PLTP: variants seen among roughly 807,000 people sequenced by gnomAD.
The protein encoded by PLTP is BPI fold containing family E.
Under a neutral mutation model 54.1 loss-of-function variants are expected in PLTP, and 43 were observed. The observed-to-expected ratio is 0.79, with a 90% CI of 0.62 to 1.02. PLTP has a LOEUF of 1.02. Among genes scored for constraint, PLTP ranks in the 50% least tolerant of loss-of-function variants. PLTP has a pLI of 0.00. For synonymous variants in PLTP, 263 were observed against 264.6 expected (o/e 0.99, Z 0.06); for missense variants, 604 against 645.9 (o/e 0.94, Z 0.70).
chr20:45,908,607 G>A (rs1187895587), intron 5 of PLTP, among the ~76,000 whole-genome samples: 1 of 152,034 alleles, frequency 6.6e-6, no homozygotes, highest in Non-Finnish European at 1.5e-5. Context: ...TGAGACCAGC[G>A]TGGCCAATAT....
chr20:45,911,016 C>A, intron 3 of PLTP, 136 bp downstream of exon 3: 1 of 1,587,424 alleles, frequency 6.3e-7, no homozygotes, highest in African/African-American at 1.3e-5. Flanking sequence ...CATCCGGTTT[C>A]TTAAGTCTTG....
At position 45,911,155 on chromosome 20, in the gene PLTP, G is replaced by A; in HGVS notation, c.197C>T (p.Ser66Phe). ...GKEGHFYYNI[S>F]EVKVTELQLT... ...CGAGGCCCCGCCCCCCACTTACTCA[G>A]AGATGTTGTAGTAGAAGTGGCCTTC... The change falls in exon 3 of 16, where the codon TCT becomes TTT. Residue 66 changes from serine to phenylalanine, a missense_variant. By Grantham distance (155) the Ser-to-Phe change is radical. Coordinates refer to ENST00000372431, the MANE Select transcript of PLTP (RefSeq NM_006227.4). 6.2e-7 allele frequency: 1 copy of A among 1,613,388 alleles called. No individual in the cohort carries two copies. The highest frequency in any genetic ancestry group is 8.5e-7 in the Non-Finnish European group (1 of 1,179,368).
At chr20:45,905,158 G>T in intron 8 of PLTP, 40 bp from the exon 9 acceptor site, 5 of 1,585,678 alleles carry the variant, frequency 3.2e-6, no homozygotes, top group Non-Finnish European at 4.3e-6. Flanking sequence ...AGGCAGACTG[G>T]CCTGGCACCT....
At position 45,912,107 on chromosome 20, in the gene PLTP, T is replaced by C; in HGVS notation, c.-40A>G. The C allele has an allele frequency of 6.5e-6, 1 of 154,292 alleles. No individual in the cohort carries two copies. The highest frequency in any genetic ancestry group is 1.9e-4 in the East Asian group (1 of 5,254). The allele number at this position is 154,292 out of a possible 1,614,324, so 9.6% of individuals were successfully genotyped here. A position where few individuals can be genotyped will look rare whatever the true frequency, so the allele number is the denominator to read the frequency against. On this transcript the variant is annotated 5_prime_UTR_variant, in exon 1 of 16. Transcript: ENST00000372431. ...GCGGTGGAGCTGGGGGGCGGCGCGG[T>C]CACGTGGGATGGCGGGCAGCTCAGG...
chr20:45,901,211 A>T (rs2083180950), intron 12 of PLTP, among the ~76,000 whole-genome samples: 1 of 152,238 alleles, frequency 6.6e-6, no homozygotes. Context: ...AAATAGTCAC[A>T]TGTGGCTAGT....
rs1029237079 is a variant in PLTP, at chr20:45,906,501, A to G, written c.614-142T>C. ...GAGGGTCAAATTAGTTTTATGTGGAAAGCACTTAGGGCCTGGTGTGTAGTT... is the reference window on the plus strand; with the variant it reads ...GAGGGTCAAATTAGTTTTATGTGGAGAGCACTTAGGGCCTGGTGTGTAGTT... On this transcript the variant is annotated intron_variant, in intron 7 of 15. Transcript: ENST00000372431. 9 of 719,594 alleles carry G rather than the reference A, an allele frequency of 1.3e-5. No homozygotes were observed. In the East Asian group the frequency reaches 2.2e-4, roughly 17 times the overall value. 44.6% of individuals were successfully genotyped at this position (719,594 alleles called of 1,614,324 possible).
At position 45,904,793 on chromosome 20, in the gene PLTP, C is replaced by A; in HGVS notation, c.942+7G>T. The A allele has an allele frequency of 6.2e-7, 1 of 1,614,138 alleles. No individual in the cohort carries two copies. Among genetic ancestry groups the A allele is most frequent in the Non-Finnish European group, 8.5e-7 (1 of 1,179,962 alleles). ...GTGGCCCTATCCCTGCCCCCGCCAG[C>A]ACTCACCAGCAGGACAATGCTCCCA... On this transcript the variant is annotated splice_region_variant and intron_variant, in intron 10 of 15. Transcript: ENST00000372431.
At chr20:45,902,140 G>C in intron 12 of PLTP, 127 bp downstream of exon 12, 1 of 961,928 alleles carries the variant, frequency 1.0e-6, no homozygotes. Flanking sequence ...ACTTTGGCAT[G>C]CATTAACAAA....
chr20:45,907,924 C>T lies in PLTP; in HGVS notation c.486-20G>A, dbSNP rs757344500. 1.9e-5 allele frequency: 30 copies of T among 1,560,910 alleles called. No homozygotes were observed. In the African/African-American group the frequency reaches 2.2e-4, roughly 11 times the overall value. ...ACCTTCCTGTGAGGAGAGGAGAGGC[C>T]GGATGAGCCCAGAACCTGCCTCCAC... On this transcript the variant is annotated intron_variant, in intron 5 of 15. Coordinates refer to ENST00000372431, the MANE Select transcript of PLTP (RefSeq NM_006227.4).
intron 10 of PLTP, among the ~76,000 whole-genome samples, chr20:45,903,635 A>T (rs2083208360): frequency 6.6e-6 from 1 of 152,210 alleles, no homozygotes; most frequent in African/African-American, 2.4e-5. Context: ...AACACTGTAT[A>T]TGTGTTGGTT....
chr20:45,911,318 G>C, intron 2 of PLTP, 35 bp downstream of exon 2: 1 of 1,613,606 alleles, frequency 6.2e-7, no homozygotes, highest in Non-Finnish European at 8.5e-7. Flanking sequence ...AACCCCGTCC[G>C]CTCCCGTCCG....
rs934735775 is a variant in PLTP, at chr20:45,910,156, T to C, written c.201-86A>G. 2.0e-6 allele frequency: 3 copies of C among 1,480,432 alleles called. No individual in the cohort carries two copies. The African/African-American group carries it at 4.2e-5, about 20-fold the overall frequency. 91.7% of individuals were successfully genotyped at this position (1,480,432 alleles called of 1,614,324 possible). ...GAAATTTGTCTGCTCCCCTTTCAAGTCCAGGCCTGGGGAAGCGGGAGTGGG... is the reference window on the plus strand; with the variant it reads ...GAAATTTGTCTGCTCCCCTTTCAAGCCCAGGCCTGGGGAAGCGGGAGTGGG... On this transcript the variant is annotated intron_variant, in intron 3 of 15. Transcript: ENST00000372431.
chr20:45,902,283 GC>G lies in PLTP; in HGVS notation c.1158del (p.Gln387SerfsTer21), dbSNP rs2083192818. On this transcript the variant is annotated frameshift_variant, in exon 12 of 16. Coordinates refer to ENST00000372431, the MANE Select transcript of PLTP (RefSeq NM_006227.4). LOFTEE classifies it high-confidence loss of function. ...KMALRGKALRTQLDLRRFRIY... is the reference protein window; with the variant it reads ...KMALRGKALRXQLDLRRFRIY... ...CCTGCCTACCTGCGCAGGTCCAGCT[GC>G]GTGCGCAGGGCCTTCCCCCGGAGAG... The G allele has an allele frequency of 6.2e-7, 1 of 1,613,924 alleles. No homozygotes were observed. Among genetic ancestry groups the G allele is most frequent in the African/African-American group, 1.3e-5 (1 of 74,952 alleles).
chr20:45,907,621 G>C, intron 7 of PLTP, 71 bp downstream of exon 7: 1 of 1,420,110 alleles, frequency 7.0e-7, no homozygotes, highest in Non-Finnish European at 9.8e-7. Flanking sequence ...TCAACAGCAG[G>C]GCTCGGAAGG....
rs879537863 is a variant in PLTP, at chr20:45,899,036, G to A, written c.1387C>T (p.His463Tyr). Residue 463 changes from histidine to tyrosine, a missense_variant, in exon 16 of 16, where the codon CAC becomes TAC. His to Tyr is a moderately conservative substitution (Grantham distance 83). Transcript: ENST00000372431. ...AGFLTIGADL[H>Y]FAKGLREVIE... ...ACCTCTCGCAGCCCTTTGGCAAAGT[G>A]GAGATCAGCCCCGATGGTGAGGAAT... 1 of 1,614,232 alleles carries A rather than the reference G, an allele frequency of 6.2e-7. No homozygotes were observed. The highest frequency in any genetic ancestry group is 1.7e-5 in the Admixed American group (1 of 60,028).
Position 45,898,903 on chromosome 20 carries a change from G to T in PLTP, c.*38C>A, listed in dbSNP as rs770975833. On this transcript the variant is annotated 3_prime_UTR_variant, in exon 16 of 16. Transcript: ENST00000372431. This position sits in a 1 kb window ranked among gnomAD's most constrained non-coding sequence, Gnocchi z 4.6. ...GAAAAGAGGGGCTGAGAGGGGTTGG[G>T]GTCCTGAATGACAGCTGCCAGCTTG... 1.2e-6 allele frequency: 2 copies of T among 1,609,722 alleles called. No homozygotes were observed. Among genetic ancestry groups the T allele is most frequent in the African/African-American group, 1.3e-5 (1 of 74,846 alleles).
chr20:45,906,960 C>T (rs1474288484), intron 7 of PLTP, among the ~76,000 whole-genome samples: 2 of 125,440 alleles, frequency 1.6e-5, no homozygotes, highest in African/African-American at 2.6e-5. Flanking sequence ...TCCTCCTTCG[C>T]TTCCCATGCC....
chr20:45,903,725 T>A (rs1466003351), intron 10 of PLTP, among the ~76,000 whole-genome samples: 1 of 152,176 alleles, frequency 6.6e-6, no homozygotes, highest in Non-Finnish European at 1.5e-5. Context: ...CAAATTTATT[T>A]TTCAGGCTGA....
intron 13 of PLTP, 24 bp downstream of exon 13, chr20:45,899,812 G>GGGCC: frequency 3.2e-5 from 10 of 309,318 alleles, no homozygotes; most frequent in Non-Finnish European, 5.6e-5. Flanking sequence ...ACCCAGCCCA[G>GGGCC]CCCACCCACC....
Sources: gnomAD v4.1 joint callset for allele counts (sites outside exome capture counted in the v4.1 genomes callset) on GRCh38, gnomAD v4.1.1 for gene constraint, Gnocchi (gnomAD v3.1) non-coding constraint, MANE v1.5 for transcripts, NCBI Gene and HGNC (gene_info 2026-07-23, HGNC 2026-07-21) for gene names.